The following TSC22D1 variants were observed in gnomAD, a reference collection of about 807,000 sequenced individuals.
TSC22D1 encodes the protein TSC22 domain family protein 1.
TSC22D1 carries 9 observed loss-of-function variants against 74.2 expected under a neutral mutation model. The observed-to-expected ratio is 0.12, with a 90% CI of 0.07 to 0.21. The LOEUF is 0.21. Ranked by LOEUF, TSC22D1 falls within the 10% of genes least tolerant of loss-of-function variation. The pLI is 1.00. For missense variants in TSC22D1, 1,427 were observed against 1,304.7 expected (o/e 1.09, Z -1.44); for synonymous variants, 586 against 492.5 (o/e 1.19, Z -2.51).
chr13:44,544,356 C>CA (rs796430706), intron 1 of TSC22D1, among the ~76,000 whole-genome samples: 2,940 of 127,796 alleles, frequency 0.023, 40 homozygotes, highest in Non-Finnish European at 0.031. Flanking sequence ...AACAAAAAGG[C>CA]AAAAAAAAAA....
rs1306448601 is a variant in TSC22D1 at position 44,455,449 on chromosome 13, A to G, written c.2913-19354T>C. 2.0e-5 allele frequency among the ~76,000 whole-genome samples: 3 copies of G among 152,224 alleles called. No individual in the cohort carries two copies. In the East Asian group the frequency reaches 5.8e-4, roughly 29 times the overall value. ...AAGAAACATGCTTACTGAGACCATC[A>G]TTATGGTACACGGTGCATTTAAGAA... On this transcript the variant is annotated intron_variant, in intron 1 of 2. Transcript: ENST00000458659.
In TSC22D1 at chr13:44,573,441, T is replaced by C; in HGVS notation, c.2634A>G (p.Ile878Met). Reference sequence around the variant, plus strand: ...CCAAAGGCAAATTTGTATTAGTTGCTATCAAGGGAGGTTGACTAACACTTT... The same window carrying C: ...CCAAAGGCAAATTTGTATTAGTTGCCATCAAGGGAGGTTGACTAACACTTT... ...LVQSVSQPPL[I>M]ATNTNLPLAQ... Residue 878 changes from isoleucine (I) to methionine (M), a missense_variant, in exon 1 of 3, where the codon ATA becomes ATG. Physicochemically the swap from Ile to Met is conservative, Grantham distance 10. This residue lies in a region of TSC22D1 where 1,343 missense variants were observed against 1,191.5 expected (regional missense o/e 1.13). Transcript: ENST00000458659. The C allele has an allele frequency of 6.2e-7, 1 of 1,614,266 alleles. No homozygotes were observed. Among genetic ancestry groups the C allele is most frequent in the South Asian group, 1.1e-5 (1 of 91,088 alleles).
At position 44,434,488 on chromosome 13, in the gene TSC22D1, A is replaced by G; in HGVS notation, c.*138T>C. The G allele has an allele frequency of 7.2e-7, 1 of 1,397,382 alleles. No individual in the cohort carries two copies. Among genetic ancestry groups the G allele is most frequent in the South Asian group, 1.8e-5 (1 of 55,476 alleles). The allele number at this position is 1,397,382 out of a possible 1,614,324, so 86.6% of individuals were successfully genotyped here. ...ATGAGTGTTTAATACTGGAAAAGAG[A>G]TAATGGCATATGTCAGTCTCACGTC... On this transcript the variant is annotated 3_prime_UTR_variant, in exon 3 of 3. Coordinates refer to ENST00000458659, the MANE Select transcript of TSC22D1 (RefSeq NM_183422.4).
intron 1 of TSC22D1, among the ~76,000 whole-genome samples, chr13:44,501,864 G>A (rs530621925): frequency 2.6e-5 from 4 of 151,816 alleles, no homozygotes; most frequent in Non-Finnish European, 5.9e-5. Flanking sequence ...TCCCAAAGTC[G>A]CCAAATGATC....
Position 44,574,361 on chromosome 13 carries a change from T to C in TSC22D1, c.1714A>G (p.Ser572Gly), listed in dbSNP as rs1191043647. ...LQPVPLQATM[S>G]AATGIQPSPV... is the part of the protein sequence containing the mutation. The stretch of plus-strand genomic sequence containing the variant: ...GATGGCTGGATACCAGTTGCAGCAC[T>C]CATAGTGGCTTGCAGAGGTACTGGC... The change falls in exon 1 of 3, where the codon AGT (serine) becomes GGT (glycine). Residue 572 changes from serine to glycine, a missense_variant. By Grantham distance (56) the Ser-to-Gly change is moderately conservative. Around this residue, in one of 3 missense-constraint regions of TSC22D1, gnomAD observed 1,343 missense variants for 1,191.5 expected, o/e 1.13. Transcript: ENST00000458659. The C allele has an allele frequency of 6.2e-7, 1 of 1,614,224 alleles. No individual in the cohort carries two copies. The highest frequency in any genetic ancestry group is 8.5e-7 in the Non-Finnish European group (1 of 1,180,036).
At chr13:44,509,950 C>CAAAAAAAAAAAAAAAAAAAAATAA in intron 1 of TSC22D1, among the ~76,000 whole-genome samples, 2 of 51,426 alleles carry the variant, frequency 3.9e-5, no homozygotes, top group Non-Finnish European at 7.1e-5. Context: ...AGAAAATAAG[C>CAAAAAAAAAAAAAAAAAAAAATAA]AAAAAAAAAA....
intron 1 of TSC22D1, chr13:44,539,835 G>A (rs1881359322): frequency 5.4e-6 from 7 of 1,289,606 alleles, no homozygotes; most frequent in Non-Finnish European, 7.1e-6. Flanking sequence ...AGTGGAGAAA[G>A]TGGACCCCTG....
chr13:44,528,480 T>G (rs574143102), intron 1 of TSC22D1, among the ~76,000 whole-genome samples: 92 of 152,204 alleles, frequency 6.0e-4, no homozygotes, highest in African/African-American at 2.1e-3. Context: ...TTTTTTTAAT[T>G]GTTTCAAACT....
chr13:44,436,102 AAG>A lies in TSC22D1; in HGVS notation c.2913-9_2913-8del, dbSNP rs568111565. ...CACACTTGCACCAGAGGAGCTGAAAAAGAGGAGGGAAAAAGGTCATCGATAAA... is the reference window on the plus strand; with the variant it reads ...CACACTTGCACCAGAGGAGCTGAAAAAGGAGGGAAAAAGGTCATCGATAAA... On this transcript the variant is annotated splice_region_variant and splice_polypyrimidine_tract_variant and intron_variant, in intron 1 of 2. Transcript: ENST00000458659. 271 of 1,611,406 alleles carry A rather than the reference AAG, an allele frequency of 1.7e-4. 1 individual carries two copies. The African/African-American group carries it at 3.4e-3, about 20-fold the overall frequency.
intron 1 of TSC22D1, among the ~76,000 whole-genome samples, chr13:44,483,044 T>A (rs1413193583): frequency 6.6e-6 from 1 of 152,226 alleles, no homozygotes; most frequent in East Asian, 1.9e-4. Context: ...TTTGTAATAT[T>A]CTTTACATTA....
chr13:44,448,459 T>C (rs1220539252), intron 1 of TSC22D1, among the ~76,000 whole-genome samples: 5 of 152,190 alleles, frequency 3.3e-5, no homozygotes, highest in Non-Finnish European at 7.3e-5. Flanking sequence ...ATTACACAGT[T>C]GTATTTACAA....
chr13:44,535,411 A>G (rs1174258192), intron 1 of TSC22D1, among the ~76,000 whole-genome samples: 1 of 152,118 alleles, frequency 6.6e-6, no homozygotes, highest in Non-Finnish European at 1.5e-5. Flanking sequence ...TTTTAGGACT[A>G]AATTACTATG....
intron 1 of TSC22D1, among the ~76,000 whole-genome samples, chr13:44,524,617 G>A (rs1880465441): frequency 6.6e-6 from 1 of 152,098 alleles, no homozygotes; most frequent in South Asian, 2.1e-4. Flanking sequence ...CGCGATCTTG[G>A]CTCACTGCAA....
At chr13:44,485,943 T>C (rs1280598154) in intron 1 of TSC22D1, among the ~76,000 whole-genome samples, 2 of 152,066 alleles carry the variant, frequency 1.3e-5, no homozygotes, top group African/African-American at 2.4e-5. Flanking sequence ...TTTTTAAATA[T>C]GGAATAATTT....
At chr13:44,508,854 A>G (rs989326299) in intron 1 of TSC22D1, among the ~76,000 whole-genome samples, 2 of 152,126 alleles carry the variant, frequency 1.3e-5, no homozygotes, top group African/African-American at 4.8e-5. Flanking sequence ...GTCCTCAGCC[A>G]ATACACACAG....
chr13:44,510,417 A>G (rs1566145924), intron 1 of TSC22D1, among the ~76,000 whole-genome samples: 1 of 151,824 alleles, frequency 6.6e-6, no homozygotes, highest in African/African-American at 2.4e-5. Flanking sequence ...AAATGTTCAT[A>G]CTCTTCGGCC....
Position 44,434,795 on chromosome 13 carries a change from G to T in TSC22D1, c.3053C>A (p.Ser1018Tyr). Reference sequence around the variant, plus strand: ...CAGATTGTTCTCCTGCTCCAGCTGGGAATTTTTCTCTATTAGTTCTTTGAT... The same window carrying T: ...CAGATTGTTCTCCTGCTCCAGCTGGTAATTTTTCTCTATTAGTTCTTTGAT... ...EQIKELIEKNSQLEQENNLLK... is the reference protein window; with the variant it reads ...EQIKELIEKNYQLEQENNLLK... Residue 1018 changes from serine to tyrosine, a missense_variant, in exon 3 of 3, where the codon TCC becomes TAC. Physicochemically the swap from Ser to Tyr is moderately radical, Grantham distance 144 (BLOSUM62 -2). Around this residue, in one of 3 missense-constraint regions of TSC22D1, gnomAD observed 21 missense variants for 62.7 expected, o/e 0.34. Transcript: ENST00000458659. 1 of 1,614,064 alleles carries T rather than the reference G, an allele frequency of 6.2e-7. No individual in the cohort carries two copies. Among genetic ancestry groups the T allele is most frequent in the South Asian group, 1.1e-5 (1 of 91,080 alleles).
chr13:44,538,972 A>G, intron 1 of TSC22D1: 1 of 985,426 alleles, frequency 1.0e-6, no homozygotes, highest in Non-Finnish European at 1.2e-6. Context: ...GGAAAAATGA[A>G]AACTTGCCAA....
chr13:44,451,302 C>T (rs537732868), intron 1 of TSC22D1: 1 of 152,376 alleles, frequency 6.6e-6, no homozygotes, highest in South Asian at 2.1e-4. Context: ...GTTCTTCCTT[C>T]CCACCTCCAT....
Sources: gnomAD v4.1 joint callset for allele counts (sites outside exome capture counted in the v4.1 genomes callset) on GRCh38, gnomAD v4.1.1 for gene constraint, gnomAD v4.1.1 regional missense constraint, MANE v1.5 for transcripts, NCBI Gene and HGNC (gene_info 2026-07-23, HGNC 2026-07-21) for gene names.